Variants in TMEM132D observed in about 807,000 individuals in gnomAD.
TMEM132D encodes mature OL transmembrane protein.
Under a neutral mutation model 62.3 loss-of-function variants are expected in TMEM132D, and 21 were observed. That is an observed-to-expected ratio of 0.34 (90% CI 0.24 to 0.49). TMEM132D has a LOEUF of 0.49. Ranked by LOEUF, TMEM132D falls within the 20% of genes least tolerant of loss-of-function variation. The pLI is 0.99. For synonymous variants in TMEM132D, 621 were observed against 575.6 expected (o/e 1.08, Z -1.13); for missense variants, 1,346 against 1,402.8 (o/e 0.96, Z 0.65).
At chr12:129,639,665 G>A (rs187809699) in intron 2 of TMEM132D, among the ~76,000 whole-genome samples, 97 of 152,152 alleles carry the variant, frequency 6.4e-4, no homozygotes, top group African/African-American at 2.3e-3. Context: ...ACAAGTCAGG[G>A]TGCATCTCCA....
intron 3 of TMEM132D, among the ~76,000 whole-genome samples, chr12:129,399,540 A>G (rs1410012673): frequency 6.6e-6 from 1 of 151,424 alleles, no homozygotes; most frequent in Non-Finnish European, 1.5e-5. Context: ...ACCTCTCTAC[A>G]CTGGTGCACT....
At chr12:129,712,842 C>A (rs938826037) in intron 1 of TMEM132D, among the ~76,000 whole-genome samples, 1 of 152,042 alleles carries the variant, frequency 6.6e-6, no homozygotes, top group African/African-American at 2.4e-5. Context: ...TGGACAGCTG[C>A]AGCCAGAAGG....
chr12:129,305,152 C>T (rs1316366118), intron 4 of TMEM132D, among the ~76,000 whole-genome samples: 1 of 152,192 alleles, frequency 6.6e-6, no homozygotes, highest in Non-Finnish European at 1.5e-5. Flanking sequence ...ACTATATCCC[C>T]AATAACAAGC....
At chr12:129,459,728 A>AT (rs1347180407) in intron 3 of TMEM132D, among the ~76,000 whole-genome samples, 4 of 152,148 alleles carry the variant, frequency 2.6e-5, no homozygotes, top group Admixed American at 1.3e-4. Context: ...TGTTTTTCAT[A>AT]TTTTTTACTC....
intron 3 of TMEM132D, chr12:129,521,820 C>T (rs1875856251): frequency 6.6e-6 from 1 of 152,076 alleles, no homozygotes; most frequent in African/African-American, 2.4e-5. Context: ...ACAGTTTGGG[C>T]TATTATGGAA....
intron 3 of TMEM132D, among the ~76,000 whole-genome samples, chr12:129,362,620 C>A (rs1278998308): frequency 2.0e-5 from 3 of 151,486 alleles, no homozygotes; most frequent in African/African-American, 4.9e-5. Flanking sequence ...TTTAAAAAAA[C>A]AATTTGTATG....
chr12:129,461,167 G>T (rs1247747027), intron 3 of TMEM132D, among the ~76,000 whole-genome samples: 1 of 152,164 alleles, frequency 6.6e-6, no homozygotes, highest in East Asian at 1.9e-4. Flanking sequence ...GGAATGAGCT[G>T]GGTGGAGGAG....
chr12:129,389,498 G>A (rs1288522333), intron 3 of TMEM132D, among the ~76,000 whole-genome samples: 1 of 151,358 alleles, frequency 6.6e-6, no homozygotes, highest in Non-Finnish European at 1.5e-5. Context: ...CAACACAAAT[G>A]CTATGTCCCA....
intron 3 of TMEM132D, among the ~76,000 whole-genome samples, chr12:129,474,649 T>C (rs531687338): frequency 1.3e-5 from 2 of 152,290 alleles, no homozygotes; most frequent in African/African-American, 4.8e-5. Flanking sequence ...CAGCTGAATA[T>C]CCCATTGACG....
At chr12:129,220,762 G>T (rs1346063413) in intron 4 of TMEM132D, among the ~76,000 whole-genome samples, 3 of 151,888 alleles carry the variant, frequency 2.0e-5, no homozygotes, top group African/African-American at 4.8e-5. Context: ...AATGTCAAAC[G>T]GATACAAGAA....
At chr12:129,223,332 G>A (rs1019270238) in intron 4 of TMEM132D, among the ~76,000 whole-genome samples, 1 of 152,066 alleles carries the variant, frequency 6.6e-6, no homozygotes, top group Non-Finnish European at 1.5e-5. Flanking sequence ...CTTGCTGGGG[G>A]CACTTGCTCT....
intron 5 of TMEM132D, among the ~76,000 whole-genome samples, chr12:129,134,552 T>A (rs889188259): frequency 6.6e-6 from 1 of 152,200 alleles, no homozygotes; most frequent in African/African-American, 2.4e-5. Context: ...TTTCCAAGGA[T>A]CTTGTATATA....
chr12:129,180,612 T>C (rs141386819), intron 5 of TMEM132D, among the ~76,000 whole-genome samples: 1 of 151,886 alleles, frequency 6.6e-6, no homozygotes, highest in African/African-American at 2.4e-5. Context: ...GATTATGGGG[T>C]TGAGTAAGGA....
Position 129,788,778 on chromosome 12 carries a change from C to G in TMEM132D, c.80-88080G>C, listed in dbSNP as rs141991182. On this transcript the variant is annotated intron_variant, in intron 1 of 8. Coordinates refer to ENST00000422113, the MANE Select transcript of TMEM132D (RefSeq NM_133448.3). ...TCTCTGCTCTCGGGGAGTCAAGACT[C>G]TTTCTGAGGAGTTGGCAATTGACAT... is the stretch of plus-strand genomic sequence containing the variant. 2.6e-5 allele frequency among the ~76,000 whole-genome samples: 4 copies of G among 152,200 alleles called. 1 individual carries two copies. Among genetic ancestry groups the G allele is most frequent in the African/African-American group, 7.2e-5 (3 of 41,520 alleles).
chr12:129,294,899 A>T (rs1245926944), intron 4 of TMEM132D, among the ~76,000 whole-genome samples: 1 of 152,180 alleles, frequency 6.6e-6, no homozygotes, highest in Non-Finnish European at 1.5e-5. Flanking sequence ...TTGATAAATA[A>T]TCATTTCCTA....
At chr12:129,708,014 C>G (rs887806216) in intron 1 of TMEM132D, among the ~76,000 whole-genome samples, 1 of 152,116 alleles carries the variant, frequency 6.6e-6, no homozygotes, top group African/African-American at 2.4e-5. Context: ...GTCCAGAGTT[C>G]GAGACCAGCT....
intron 1 of TMEM132D, among the ~76,000 whole-genome samples, chr12:129,832,035 CTTTTTTTT>C (rs71085577): frequency 2.0e-3 from 189 of 94,150 alleles, no homozygotes; most frequent in African/African-American, 8.3e-3. Context: ...ATGCCCGGCT[CTTTTTTTT>C]TTTTTTTTTT....
intron 3 of TMEM132D, among the ~76,000 whole-genome samples, chr12:129,367,035 C>G (rs185695222): frequency 1.7e-3 from 266 of 152,300 alleles, no homozygotes; most frequent in Middle Eastern, 3.4e-3. Flanking sequence ...CTGTGCCACA[C>G]CATGCTGACA....
chr12:129,712,326 A>AAGTAG, intron 1 of TMEM132D, among the ~76,000 whole-genome samples: 1 of 152,250 alleles, frequency 6.6e-6, no homozygotes, highest in South Asian at 2.1e-4. Context: ...GGGTTTCACC[A>AAGTAG]TGTTAGCCAG....
Sources: allele counts gnomAD v4.1 joint callset (sites outside exome capture counted in the v4.1 genomes callset), GRCh38; gene constraint gnomAD v4.1.1; transcripts MANE v1.5; gene names NCBI Gene and HGNC (gene_info 2026-07-23, HGNC 2026-07-21).